MTNR1A: variants seen among roughly 807,000 people sequenced by gnomAD.
MTNR1A encodes melatonin receptor 1A, also known as melatonin receptor type 1A.
Under a neutral mutation model 5.5 loss-of-function variants are expected in MTNR1A, and 7 were observed. The ratio of observed to expected loss-of-function variants is 1.28; its 90% CI spans 0.73 to 2.40. MTNR1A has a LOEUF of 2.40. Ranked by LOEUF, MTNR1A falls within the 30% of genes most tolerant of loss-of-function variation. The pLI is 0.00. For synonymous variants in MTNR1A, 196 were observed against 202.7 expected (o/e 0.97, Z 0.28); for missense variants, 441 against 464.4 (o/e 0.95, Z 0.46).
At chr4:186,535,830 T>C (rs548659251) in intron 1 of MTNR1A, among the ~76,000 whole-genome samples, 1 of 152,316 alleles carries the variant, frequency 6.6e-6, no homozygotes, top group African/African-American at 2.4e-5. Flanking sequence ...ACTTTCTAAA[T>C]CCTGCCCATT....
chr4:186,554,526 G>A (rs114905675), intron 1 of MTNR1A, among the ~76,000 whole-genome samples: 2,270 of 152,318 alleles, frequency 0.015, 23 homozygotes, highest in Non-Finnish European at 0.025. Context: ...GGAGGAAAAA[G>A]CAAGTTAACT....
At chr4:186,542,099 T>G (rs1422813603) in intron 1 of MTNR1A, among the ~76,000 whole-genome samples, 1 of 152,220 alleles carries the variant, frequency 6.6e-6, no homozygotes, top group Non-Finnish European at 1.5e-5. Flanking sequence ...AGATTACTCC[T>G]CATGAAAACT....
At chr4:186,538,822 C>A (rs1250881968) in intron 1 of MTNR1A, among the ~76,000 whole-genome samples, 1 of 152,174 alleles carries the variant, frequency 6.6e-6, no homozygotes, top group Admixed American at 6.5e-5. Context: ...GGGTTACCTG[C>A]AGTCGATTCT....
chr4:186,543,197 C>T (rs906882870), intron 1 of MTNR1A, among the ~76,000 whole-genome samples: 8 of 152,172 alleles, frequency 5.3e-5, no homozygotes, highest in African/African-American at 9.7e-5. Context: ...CTGTGCTTAC[C>T]GTGTTTAGTC....
chr4:186,551,081 G>A (rs927984830), intron 1 of MTNR1A, among the ~76,000 whole-genome samples: 2 of 152,352 alleles, frequency 1.3e-5, no homozygotes, highest in East Asian at 3.9e-4. Flanking sequence ...TCGGCTTGGA[G>A]ATCGCATGAA....
chr4:186,535,558 C>T (rs1736826267), intron 1 of MTNR1A, among the ~76,000 whole-genome samples: 2 of 152,044 alleles, frequency 1.3e-5, no homozygotes, highest in African/African-American at 4.8e-5. Flanking sequence ...ACCACAGGTG[C>T]ACACCACCAC....
intron 1 of MTNR1A, among the ~76,000 whole-genome samples, chr4:186,544,068 G>C (rs1262308281): frequency 1.3e-5 from 2 of 152,288 alleles, no homozygotes; most frequent in East Asian, 1.9e-4. Context: ...GAATGCAGTG[G>C]TGTTATCTTG....
chr4:186,542,690 A>G (rs924307712), intron 1 of MTNR1A, among the ~76,000 whole-genome samples: 18 of 152,124 alleles, frequency 1.2e-4, no homozygotes, highest in Admixed American at 1.1e-3. Flanking sequence ...ATCCTCTCAT[A>G]TTACCCTGGT....
Position 186,533,995 on chromosome 4 carries a change from A to C in MTNR1A, c.747T>G (p.Ile249Met), listed in dbSNP as rs765326789. Residue 249 changes from isoleucine to methionine, a missense_variant, in exon 2 of 2, where the codon ATT (isoleucine) becomes ATG (methionine). Transcript: ENST00000307161. ...CAATGAAGTTCAGAGGAGCCCAGCA[A>C]ATGGCAAAAAGGACAAAAACCACAA... Reference protein sequence around the residue: ...TMFVVFVLFAICWAPLNFIGL... With the variant: ...TMFVVFVLFAMCWAPLNFIGL... The C allele has an allele frequency of 6.2e-7, 1 of 1,614,176 alleles. No homozygotes were observed. Among genetic ancestry groups the C allele is most frequent in the South Asian group, 1.1e-5 (1 of 91,082 alleles).
At chr4:186,554,463 G>C (rs952280129) in intron 1 of MTNR1A, among the ~76,000 whole-genome samples, 1 of 152,142 alleles carries the variant, frequency 6.6e-6, no homozygotes, top group Non-Finnish European at 1.5e-5. Context: ...AGCATCCTAA[G>C]AACAAAGTGT....
intron 1 of MTNR1A, among the ~76,000 whole-genome samples, chr4:186,546,556 G>T (rs887960071): frequency 6.6e-6 from 1 of 151,776 alleles, no homozygotes; most frequent in African/African-American, 2.4e-5. Flanking sequence ...CCCATTAACG[G>T]GATATGCTGT....
intron 1 of MTNR1A, among the ~76,000 whole-genome samples, chr4:186,545,726 C>T (rs1387620006): frequency 6.6e-6 from 1 of 152,106 alleles, no homozygotes; most frequent in Non-Finnish European, 1.5e-5. Context: ...ACTGAGTGTG[C>T]CTGAGCTTAA....
chr4:186,548,102 C>T (rs1162377160), intron 1 of MTNR1A, among the ~76,000 whole-genome samples: 1 of 151,728 alleles, frequency 6.6e-6, no homozygotes, highest in African/African-American at 2.4e-5. Context: ...GCGACATTAA[C>T]AGGCAATCAA....
In MTNR1A at chr4:186,543,931, T is replaced by C. The variant is rs574581899; in HGVS notation, c.185-9374A>G. ...CTATGCTCCCTAGAATTCTGTTTTC[T>C]GCATAATTATAGGATAGCCTCACCC... On this transcript the variant is annotated intron_variant, in intron 1 of 1. Coordinates refer to ENST00000307161, the MANE Select transcript of MTNR1A (RefSeq NM_005958.4). Among the ~76,000 whole-genome samples the C allele has an allele frequency of 2.9e-4, 44 of 152,340 alleles. 1 individual carries two copies. The highest frequency in any genetic ancestry group is 3.4e-3 in the Middle Eastern group (1 of 294).
In MTNR1A at chr4:186,534,438, C is replaced by T. The variant is rs1198747595; in HGVS notation, c.304G>A (p.Val102Ile). Residue 102 changes from valine (V) to isoleucine (I), a missense_variant, in exon 2 of 2, where the codon GTC (valine) becomes ATC (isoleucine). By Grantham distance (29) the Val-to-Ile change is conservative. Coordinates refer to ENST00000307161, the MANE Select transcript of MTNR1A (RefSeq NM_005958.4). Reference sequence around the variant, plus strand: ...CTCAGGCCCATCAGGAACCCACTGACTTGGCAGTGCAGATAGCCCAGGTTC... The same window carrying T: ...CTCAGGCCCATCAGGAACCCACTGATTTGGCAGTGCAGATAGCCCAGGTTC... ...GWNLGYLHCQ[V>I]SGFLMGLSVI... The T allele has an allele frequency of 1.2e-6, 2 of 1,614,040 alleles. No individual in the cohort carries two copies. The highest frequency in any genetic ancestry group is 2.7e-5 in the African/African-American group (2 of 74,894).
At chr4:186,541,617 C>T (rs1312783434) in intron 1 of MTNR1A, among the ~76,000 whole-genome samples, 1 of 152,202 alleles carries the variant, frequency 6.6e-6, no homozygotes, top group Non-Finnish European at 1.5e-5. Context: ...GCAAGCATTA[C>T]CGCCTAAGCT....
rs28383652 is a variant in MTNR1A, at chr4:186,533,945, G to T, written c.797C>A (p.Ala266Asp). The T allele has an allele frequency of 1.9e-6, 3 of 1,614,156 alleles. No homozygotes were observed. The highest frequency in any genetic ancestry group is 2.5e-6 in the Non-Finnish European group (3 of 1,180,030). The change falls in exon 2 of 2, where the codon GCC (alanine) becomes GAC (aspartate). Residue 266 changes from alanine (A) to aspartate (D), a missense_variant. Transcript: ENST00000307161. ...CTCTGGGATCCTAGGCACCATGCTG[G>T]CGGGGTCAGAGGCCACGGCCAGGCC... Reference protein sequence around the residue: ...FIGLAVASDPASMVPRIPEWL... With the variant: ...FIGLAVASDPDSMVPRIPEWL...
At chr4:186,540,366 C>G (rs1736983327) in intron 1 of MTNR1A, among the ~76,000 whole-genome samples, 1 of 152,170 alleles carries the variant, frequency 6.6e-6, no homozygotes, top group African/African-American at 2.4e-5. Flanking sequence ...TATTTTCAAT[C>G]CATGATTGGT....
At chr4:186,554,850 C>T (rs935936183) in intron 1 of MTNR1A, among the ~76,000 whole-genome samples, 20 of 152,202 alleles carry the variant, frequency 1.3e-4, no homozygotes, top group African/African-American at 4.8e-4. Context: ...TTGATCAGTT[C>T]GTTGCAGAGG....
Sources: allele counts gnomAD v4.1 joint callset (sites outside exome capture counted in the v4.1 genomes callset), GRCh38; gene constraint gnomAD v4.1.1; transcripts MANE v1.5; gene names NCBI Gene and HGNC (gene_info 2026-07-23, HGNC 2026-07-21).